The following DCC variants were observed in gnomAD, a reference collection of about 807,000 sequenced individuals.
DCC encodes netrin receptor DCC.
Under a neutral mutation model 172.5 loss-of-function variants are expected in DCC, and 58 were observed. That is an observed-to-expected ratio of 0.34 (90% CI 0.27 to 0.42). The LOEUF (loss-of-function observed/expected upper bound fraction) is 0.42. DCC is among the 10% of genes least tolerant of loss of function. The probability of loss-of-function intolerance (pLI) is 1.00; values close to 1 mark genes in which losing one functional copy is unlikely to be tolerated. For synonymous variants in DCC, 709 were observed against 644.5 expected, an observed-to-expected ratio of 1.10 and a Z score of -1.52; for missense variants, 1,740 against 1,791.0, an observed-to-expected ratio of 0.97 and a Z score of 0.51.
At chr18:52,486,009 G>A (rs1000308240) in intron 1 of DCC, among the ~76,000 whole-genome samples, 1 of 151,930 alleles carries the variant, frequency 6.6e-6, no homozygotes, top group African/African-American at 2.4e-5. Context: ...TTTTATTTTA[G>A]TTTTAGAGAC....
chr18:53,097,221 T>G (rs922288504), intron 7 of DCC, among the ~76,000 whole-genome samples: 1 of 152,226 alleles, frequency 6.6e-6, no homozygotes, highest in African/African-American at 2.4e-5. Context: ...GTTTTTAGTT[T>G]TCTCCATCTT....
At chr18:53,226,058 G>A (rs1018516168) in intron 12 of DCC, among the ~76,000 whole-genome samples, 2 of 152,132 alleles carry the variant, frequency 1.3e-5, no homozygotes, top group Non-Finnish European at 2.9e-5. Context: ...GAACACTGAG[G>A]CTTAGAGAGA....
At chr18:53,439,769 C>CTTTCTTTTTT (rs1555672136) in intron 22 of DCC, among the ~76,000 whole-genome samples, 29 of 127,210 alleles carry the variant, frequency 2.3e-4, no homozygotes, top group Non-Finnish European at 5.0e-4. Flanking sequence ...TAGTATTTTT[C>CTTTCTTTTTT]TTTTTTTTTT....
At chr18:52,736,763 G>T (rs2036736652) in intron 1 of DCC, among the ~76,000 whole-genome samples, 1 of 152,044 alleles carries the variant, frequency 6.6e-6, no homozygotes, top group African/African-American at 2.4e-5. Context: ...CTATGACATT[G>T]ACGTAATATG....
At chr18:52,394,316 G>T (rs564770963) in intron 1 of DCC, among the ~76,000 whole-genome samples, 30 of 152,180 alleles carry the variant, frequency 2.0e-4, no homozygotes, top group African/African-American at 6.7e-4. Context: ...GCCCAGGCTG[G>T]AGTGCAGAAG....
At chr18:52,617,832 A>G (rs906654736) in intron 1 of DCC, among the ~76,000 whole-genome samples, 4 of 152,174 alleles carry the variant, frequency 2.6e-5, no homozygotes, top group African/African-American at 9.7e-5. Context: ...TTTGCTTACT[A>G]TTTGAGGCAG....
intron 1 of DCC, among the ~76,000 whole-genome samples, chr18:52,506,457 A>G (rs903521011): frequency 6.6e-6 from 1 of 152,122 alleles, no homozygotes; most frequent in Non-Finnish European, 1.5e-5. Flanking sequence ...CACCGTTTAA[A>G]ATGCATATCC....
chr18:52,555,606 GAT>G (rs1161592766), intron 1 of DCC, among the ~76,000 whole-genome samples: 3 of 152,058 alleles, frequency 2.0e-5, no homozygotes, highest in Admixed American at 2.0e-4. Flanking sequence ...TGGGAGCATG[GAT>G]ATTTTGATAT....
intron 2 of DCC, among the ~76,000 whole-genome samples, chr18:52,835,116 T>A (rs9950022): frequency 0.05 from 7,622 of 152,274 alleles, 660 homozygotes; most frequent in African/African-American, 0.17. Flanking sequence ...TGAATTTAGG[T>A]TATTTAACAT....
chr18:52,882,790 G>A (rs1326802728), intron 2 of DCC, among the ~76,000 whole-genome samples: 1 of 152,122 alleles, frequency 6.6e-6, no homozygotes, highest in Admixed American at 6.5e-5. Context: ...CTCTAACACA[G>A]ACTAAATCTG....
chr18:52,584,261 C>T (rs2033620379), intron 1 of DCC, among the ~76,000 whole-genome samples: 1 of 152,224 alleles, frequency 6.6e-6, no homozygotes, highest in South Asian at 2.1e-4. Flanking sequence ...ACTTTGGTCT[C>T]ATTTCCATTT....
At chr18:52,825,368 A>T (rs929098405) in intron 2 of DCC, among the ~76,000 whole-genome samples, 2 of 152,158 alleles carry the variant, frequency 1.3e-5, no homozygotes, top group Admixed American at 1.3e-4. Context: ...AAGCTGCTGT[A>T]TTACTCTTAT....
intron 12 of DCC, among the ~76,000 whole-genome samples, chr18:53,218,154 A>T (rs1311843156): frequency 6.6e-6 from 1 of 152,064 alleles, no homozygotes; most frequent in African/African-American, 2.4e-5. Context: ...CAATTCATGA[A>T]TTTTTTACGT....
At chr18:53,133,270 C>G (rs986753870) in intron 7 of DCC, among the ~76,000 whole-genome samples, 1 of 152,178 alleles carries the variant, frequency 6.6e-6, no homozygotes, top group Non-Finnish European at 1.5e-5. Context: ...CCTAAAGCTG[C>G]TCCAGATATA....
intron 7 of DCC, among the ~76,000 whole-genome samples, chr18:53,145,248 G>C (rs2043893608): frequency 6.6e-6 from 1 of 151,406 alleles, no homozygotes; most frequent in Admixed American, 6.6e-5. Context: ...CTAGTAGCTG[G>C]GACTACAGTC....
chr18:53,224,154 C>A (rs946884274), intron 12 of DCC, among the ~76,000 whole-genome samples: 3 of 152,054 alleles, frequency 2.0e-5, no homozygotes, highest in Non-Finnish European at 2.9e-5. Context: ...TGAAGAAAAT[C>A]AAGAACAGTC....
At chr18:52,916,124 A>G (rs140039168) in intron 3 of DCC, among the ~76,000 whole-genome samples, 84 of 152,252 alleles carry the variant, frequency 5.5e-4, no homozygotes, top group African/African-American at 1.8e-3. Flanking sequence ...AACATAGGAA[A>G]ATACATACGC....
chr18:53,225,298 C>T (rs2056009070), intron 12 of DCC, among the ~76,000 whole-genome samples: 1 of 152,030 alleles, frequency 6.6e-6, no homozygotes, highest in African/African-American at 2.4e-5. Flanking sequence ...AGGTGGTAGG[C>T]TTGAGGGAGG....
At chr18:52,469,030 GATTTATTT>G (rs3086373) in intron 1 of DCC, among the ~76,000 whole-genome samples, 69,938 of 145,392 alleles carry the variant, frequency 0.48, 17,010 homozygotes, top group African/African-American at 0.57. Flanking sequence ...AAACAATTTT[GATTTATTT>G]ATTTATTTAT....
Sources: allele counts gnomAD v4.1 joint callset (sites outside exome capture counted in the v4.1 genomes callset), GRCh38; gene constraint gnomAD v4.1.1; transcripts MANE v1.5; gene names NCBI Gene and HGNC (gene_info 2026-07-23, HGNC 2026-07-21).